Variants in GPC5 observed in about 807,000 individuals in gnomAD.
GPC5 encodes glypican-5.
GPC5 carries 47 observed loss-of-function variants against 53.9 expected under a neutral mutation model. The ratio of observed to expected loss-of-function variants is 0.87; its 90% CI spans 0.69 to 1.11. The LOEUF is 1.11. Ranked by LOEUF, GPC5 falls within the 50% of genes most tolerant of loss-of-function variation. The pLI is 0.00. For missense variants in GPC5, 748 were observed against 713.1 expected (o/e 1.05, Z -0.56); for synonymous variants, 286 against 263.3 (o/e 1.09, Z -0.84).
At chr13:92,113,334 G>GA (rs1051410357) in intron 6 of GPC5, among the ~76,000 whole-genome samples, 3 of 152,022 alleles carry the variant, frequency 2.0e-5, no homozygotes, top group African/African-American at 7.2e-5. Context: ...TATTCAAAGG[G>GA]AAAATAAGTG....
intron 7 of GPC5, among the ~76,000 whole-genome samples, chr13:92,725,186 T>C (rs1888610027): frequency 6.6e-6 from 1 of 151,568 alleles, no homozygotes; most frequent in Non-Finnish European, 1.5e-5. Context: ...TTATTTTTCA[T>C]ATCCCAAGCA....
chr13:91,703,183 T>G (rs2139865302), intron 3 of GPC5, among the ~76,000 whole-genome samples: 1 of 152,246 alleles, frequency 6.6e-6, no homozygotes, highest in South Asian at 2.1e-4. Context: ...TCTTGCCTAA[T>G]TGCTCTGGCA....
chr13:92,484,882 G>A (rs1323859273), intron 7 of GPC5, among the ~76,000 whole-genome samples: 6 of 151,606 alleles, frequency 4.0e-5, no homozygotes, highest in Admixed American at 6.6e-5. Context: ...CTATAGGTGC[G>A]TGCCACCATG....
chr13:91,786,230 C>A (rs1201568609), intron 5 of GPC5, among the ~76,000 whole-genome samples: 1 of 152,076 alleles, frequency 6.6e-6, no homozygotes, highest in South Asian at 2.1e-4. Context: ...CTCCTGACCT[C>A]GCGATCCGCC....
At chr13:91,465,554 A>G (rs628669) in intron 2 of GPC5, among the ~76,000 whole-genome samples, 117,357 of 152,082 alleles carry the variant, frequency 0.77, 48,948 homozygotes, top group Non-Finnish European at 0.93. Flanking sequence ...CCTTCAGTTG[A>G]CATTTCTCTG....
At chr13:91,465,359 G>A (rs898827558) in intron 2 of GPC5, among the ~76,000 whole-genome samples, 1 of 152,090 alleles carries the variant, frequency 6.6e-6, no homozygotes, top group East Asian at 1.9e-4. Context: ...AGTTACCCTA[G>A]ATCTTTGTCT....
At chr13:92,142,358 G>T (rs1177830153) in intron 6 of GPC5, among the ~76,000 whole-genome samples, 1 of 152,092 alleles carries the variant, frequency 6.6e-6, no homozygotes, top group Non-Finnish European at 1.5e-5. Flanking sequence ...CACAGCCCCA[G>T]GGGTTAAGGT....
intron 2 of GPC5, among the ~76,000 whole-genome samples, chr13:91,670,691 G>C (rs1201434866): frequency 6.6e-6 from 1 of 152,152 alleles, no homozygotes. Context: ...AGAAGCTCAT[G>C]TTTTGTCAGT....
chr13:91,967,880 T>A (rs1036651056), intron 6 of GPC5, among the ~76,000 whole-genome samples: 4 of 152,116 alleles, frequency 2.6e-5, no homozygotes, highest in African/African-American at 9.7e-5. Context: ...TTATTATTTT[T>A]AATTTTTATT....
intron 7 of GPC5, among the ~76,000 whole-genome samples, chr13:92,761,736 G>T (rs1875183879): frequency 6.6e-6 from 1 of 152,058 alleles, no homozygotes; most frequent in Non-Finnish European, 1.5e-5. Flanking sequence ...GATAGATAAG[G>T]GCTTACTACT....
intron 7 of GPC5, among the ~76,000 whole-genome samples, chr13:92,428,907 C>T (rs1876960035): frequency 6.6e-6 from 1 of 152,022 alleles, no homozygotes; most frequent in South Asian, 2.1e-4. Flanking sequence ...GAAACAATTT[C>T]CCTCCACATG....
chr13:92,574,206 A>G (rs73621519), intron 7 of GPC5, among the ~76,000 whole-genome samples: 1,804 of 152,276 alleles, frequency 0.012, 37 homozygotes, highest in African/African-American at 0.041. Flanking sequence ...GATAAAGTAG[A>G]AATCATTTTT....
At chr13:91,603,142 T>G (rs2033234999) in intron 2 of GPC5, among the ~76,000 whole-genome samples, 1 of 152,222 alleles carries the variant, frequency 6.6e-6, no homozygotes, top group African/African-American at 2.4e-5. Flanking sequence ...TGGCCATGTA[T>G]TACTGGAGCC....
intron 7 of GPC5, among the ~76,000 whole-genome samples, chr13:92,733,781 A>T (rs2139301986): frequency 6.6e-6 from 1 of 151,846 alleles, no homozygotes; most frequent in South Asian, 2.1e-4. Flanking sequence ...TTTTTATATC[A>T]TTGTGGATAT....
intron 6 of GPC5, among the ~76,000 whole-genome samples, chr13:91,976,657 C>T (rs745824970): frequency 6.6e-5 from 10 of 152,070 alleles, no homozygotes; most frequent in Non-Finnish European, 1.3e-4. Flanking sequence ...AGTGATCTGG[C>T]GAGTTTCAGT....
chr13:92,653,882 T>C (rs1204399224), intron 7 of GPC5, among the ~76,000 whole-genome samples: 1 of 152,184 alleles, frequency 6.6e-6, no homozygotes, highest in African/African-American at 2.4e-5. Flanking sequence ...TAGTACTTAG[T>C]CAGTGCCCAG....
At chr13:91,480,294 A>G (rs1883229642) in intron 2 of GPC5, among the ~76,000 whole-genome samples, 1 of 152,224 alleles carries the variant, frequency 6.6e-6, no homozygotes, top group Non-Finnish European at 1.5e-5. Context: ...ACAGATGATT[A>G]CTTTTGCAGT....
rs541158279 is a variant in GPC5, at chr13:92,145,212, A to T, written c.1561+223A>T. On this transcript the variant is annotated intron_variant, in intron 7 of 7. Transcript: ENST00000377067. ...GAAATGATAGTTTTCTGTGAAAAAAAACTAGTAAACAATCACCAGTTCTGA... is the reference window on the plus strand; with the variant it reads ...GAAATGATAGTTTTCTGTGAAAAAATACTAGTAAACAATCACCAGTTCTGA... Among the ~76,000 whole-genome samples the T allele has an allele frequency of 3.9e-5, 6 of 152,256 alleles. No individual in the cohort carries two copies. The East Asian group carries it at 1.2e-3, about 29-fold the overall frequency.
chr13:92,592,930 CA>C (rs1368264869), intron 7 of GPC5, among the ~76,000 whole-genome samples: 1 of 150,984 alleles, frequency 6.6e-6, no homozygotes, highest in Admixed American at 6.6e-5. Flanking sequence ...AGACTTCCCC[CA>C]AGGAAAGGCG....
Sources: allele counts gnomAD v4.1 joint callset (sites outside exome capture counted in the v4.1 genomes callset), GRCh38; gene constraint gnomAD v4.1.1; transcripts MANE v1.5; gene names NCBI Gene and HGNC (gene_info 2026-07-23, HGNC 2026-07-21).